The following HMBOX1 variants were observed in gnomAD, a reference collection of about 807,000 sequenced individuals.
The protein encoded by HMBOX1 is homeobox-containing protein 1.
A neutral mutation model predicts 54.5 loss-of-function variants in HMBOX1; 14 were observed. The ratio of observed to expected loss-of-function variants is 0.26; its 90% CI spans 0.17 to 0.40. The LOEUF (loss-of-function observed/expected upper bound fraction) is 0.40. Ranked by LOEUF, HMBOX1 falls within the 10% of genes least tolerant of loss-of-function variation. HMBOX1 has a pLI of 1.00. For missense variants in HMBOX1, 332 were observed against 514.4 expected (o/e 0.65, Z 3.43); for synonymous variants, 160 against 181.0 (o/e 0.88, Z 0.93).
chr8:28,916,873 A>T (rs1299105575), intron 1 of HMBOX1, among the ~76,000 whole-genome samples: 1 of 152,164 alleles, frequency 6.6e-6, no homozygotes, highest in Non-Finnish European at 1.5e-5. Context: ...GTTCAAGACC[A>T]GCCTGGGCAA....
At chr8:29,048,231 A>G (rs1457120461) in intron 8 of HMBOX1, among the ~76,000 whole-genome samples, 1 of 151,274 alleles carries the variant, frequency 6.6e-6, no homozygotes, top group East Asian at 1.9e-4. Context: ...TTTAAGAAAT[A>G]TGGATTCTTG....
intron 6 of HMBOX1, chr8:29,042,546 A>G: frequency 2.3e-6 from 1 of 434,114 alleles, no homozygotes; most frequent in Non-Finnish European, 4.6e-6. Flanking sequence ...AAAGACCAAT[A>G]GAATTCCCAA....
chr8:28,945,141 A>G (rs1448108343), intron 1 of HMBOX1, among the ~76,000 whole-genome samples: 2 of 152,218 alleles, frequency 1.3e-5, no homozygotes, highest in African/African-American at 4.8e-5. Flanking sequence ...TAGCTTTTAG[A>G]AAGGTTAATG....
At chr8:28,969,486 G>C (rs796737867) in intron 2 of HMBOX1, among the ~76,000 whole-genome samples, 35 of 151,820 alleles carry the variant, frequency 2.3e-4, no homozygotes, top group African/African-American at 8.0e-4. Context: ...ATGTACCTCT[G>C]TTTTCCACTT....
intron 6 of HMBOX1, among the ~76,000 whole-genome samples, chr8:29,044,925 TA>T (rs887713884): frequency 2.0e-5 from 3 of 151,816 alleles, no homozygotes; most frequent in South Asian, 2.1e-4. Context: ...AATTAGACAA[TA>T]AAAAAAAGTC....
chr8:28,939,598 C>A (rs986843023), intron 1 of HMBOX1, among the ~76,000 whole-genome samples: 13 of 152,094 alleles, frequency 8.5e-5, no homozygotes, highest in Admixed American at 7.2e-4. Flanking sequence ...ATCTCCGCCC[C>A]CCCTGGGTTC....
At chr8:28,953,699 T>TG (rs1259921965) in intron 1 of HMBOX1, among the ~76,000 whole-genome samples, 1 of 152,202 alleles carries the variant, frequency 6.6e-6, no homozygotes, top group East Asian at 1.9e-4. Flanking sequence ...ATGAGATACC[T>TG]GATACCTGGA....
chr8:28,934,925 T>TG (rs1482276562), intron 1 of HMBOX1, among the ~76,000 whole-genome samples: 1 of 86,902 alleles, frequency 1.2e-5, no homozygotes. Context: ...AGACTCCGTC[T>TG]CAAAAAAAAA....
chr8:29,029,941 A>G (rs1342534616), intron 6 of HMBOX1, among the ~76,000 whole-genome samples: 2 of 151,542 alleles, frequency 1.3e-5, no homozygotes, highest in Non-Finnish European at 2.9e-5. Context: ...TACTATTATT[A>G]TCTTTTTTTT....
intron 6 of HMBOX1, among the ~76,000 whole-genome samples, chr8:29,044,613 C>T (rs1027574791): frequency 2.6e-5 from 4 of 152,122 alleles, no homozygotes; most frequent in Non-Finnish European, 5.9e-5. Context: ...TGTAGTCTTC[C>T]AGCTTTCATC....
At chr8:28,924,196 T>A (rs1818025679) in intron 1 of HMBOX1, among the ~76,000 whole-genome samples, 1 of 151,106 alleles carries the variant, frequency 6.6e-6, no homozygotes, top group Non-Finnish European at 1.5e-5. Context: ...AAGCTCCGCC[T>A]CCCGGGTTCA....
intron 1 of HMBOX1, among the ~76,000 whole-genome samples, chr8:28,912,728 A>G (rs897474757): frequency 2.6e-5 from 4 of 151,940 alleles, no homozygotes; most frequent in East Asian, 1.9e-4. Context: ...TCCAGGCCCT[A>G]TTCTTGTCTA....
At chr8:28,905,621 T>A (rs141184209) in intron 1 of HMBOX1, among the ~76,000 whole-genome samples, 3 of 152,324 alleles carry the variant, frequency 2.0e-5, no homozygotes, top group African/African-American at 7.2e-5. Context: ...CTAGAAGTGA[T>A]TCAGTTATTT....
chr8:28,980,770 C>T (rs576161502), intron 4 of HMBOX1, among the ~76,000 whole-genome samples: 1 of 151,986 alleles, frequency 6.6e-6, no homozygotes, highest in African/African-American at 2.4e-5. Flanking sequence ...ATGTCTTTTC[C>T]TTGTTAATGT....
chr8:28,893,501 G>T (rs562068407), intron 1 of HMBOX1, among the ~76,000 whole-genome samples: 1 of 152,252 alleles, frequency 6.6e-6, no homozygotes, highest in Non-Finnish European at 1.5e-5. Context: ...CACTATGTAT[G>T]GTCACAAATA....
chr8:28,920,918 A>T (rs1209525819), intron 1 of HMBOX1, among the ~76,000 whole-genome samples: 1 of 152,242 alleles, frequency 6.6e-6, no homozygotes, highest in Non-Finnish European at 1.5e-5. Flanking sequence ...CATAAACCAG[A>T]CAAAAAATAT....
At chr8:29,037,368 A>T (rs1451614747) in intron 6 of HMBOX1, among the ~76,000 whole-genome samples, 1 of 152,206 alleles carries the variant, frequency 6.6e-6, no homozygotes, top group African/African-American at 2.4e-5. Flanking sequence ...TTTTAATCTA[A>T]TTCCATTTTG....
chr8:29,031,529 G>A (rs527441607), intron 6 of HMBOX1, among the ~76,000 whole-genome samples: 32 of 149,554 alleles, frequency 2.1e-4, no homozygotes, highest in Admixed American at 6.7e-4. Flanking sequence ...TTTTTTTCTT[G>A]TCATTTTTTT....
chr8:28,990,749 G>C (rs1402922665), intron 4 of HMBOX1, among the ~76,000 whole-genome samples: 1 of 152,028 alleles, frequency 6.6e-6, no homozygotes, highest in Admixed American at 6.5e-5. Flanking sequence ...TCTGTCCTAG[G>C]TTCAAGCGAT....
Sources: allele counts gnomAD v4.1 joint callset (sites outside exome capture counted in the v4.1 genomes callset), GRCh38; gene constraint gnomAD v4.1.1; transcripts MANE v1.5; gene names NCBI Gene and HGNC (gene_info 2026-07-23, HGNC 2026-07-21).